Variants in ZSCAN5A observed in about 807,000 individuals in gnomAD.
ZSCAN5A encodes the protein zinc finger and SCAN domain containing 5A.
ZSCAN5A carries 12 observed loss-of-function variants against 23.7 expected under a neutral mutation model. That is an observed-to-expected ratio of 0.51 (90% CI 0.32 to 0.82). The LOEUF is 0.82. ZSCAN5A is among the 40% of genes least tolerant of loss of function. The pLI, the probability that ZSCAN5A is intolerant of heterozygous loss-of-function variation, is 0.03. For missense variants in ZSCAN5A, 597 were observed against 617.9 expected (o/e 0.97, Z 0.36); for synonymous variants, 257 against 239.9 (o/e 1.07, Z -0.66).
intron 2 of ZSCAN5A, among the ~76,000 whole-genome samples, chr19:56,233,612 CT>C (rs35551923): frequency 0.47 from 63,463 of 135,252 alleles, 13,438 homozygotes; most frequent in South Asian, 0.54. Context: ...ATGAAATCAC[CT>C]TTTTTTTTTT....
At chr19:56,291,173 A>G (rs925029576) in intron 2 of ZSCAN5A, among the ~76,000 whole-genome samples, 1 of 152,184 alleles carries the variant, frequency 6.6e-6, no homozygotes, top group African/African-American at 2.4e-5. Context: ...TGAGTTGTAC[A>G]TATTTGTTGG....
At chr19:56,238,391 C>T (rs1282938897) in intron 2 of ZSCAN5A, among the ~76,000 whole-genome samples, 1 of 152,112 alleles carries the variant, frequency 6.6e-6, no homozygotes, top group Non-Finnish European at 1.5e-5. Flanking sequence ...GCATGGTGAC[C>T]TTAGTCACCA....
intron 2 of ZSCAN5A, among the ~76,000 whole-genome samples, chr19:56,270,035 T>G (rs2037736420): frequency 6.6e-6 from 1 of 152,104 alleles, no homozygotes; most frequent in South Asian, 2.1e-4. Flanking sequence ...TCTGTGATTC[T>G]AACTGATTGG....
intron 2 of ZSCAN5A, chr19:56,245,389 G>A (rs745870023): frequency 1.3e-6 from 1 of 748,274 alleles, no homozygotes; most frequent in Non-Finnish European, 2.5e-6. Context: ...AAGAGCTGCA[G>A]ACCCTGCCCA....
At chr19:56,291,536 C>A (rs139483458) in intron 2 of ZSCAN5A, among the ~76,000 whole-genome samples, 8 of 152,256 alleles carry the variant, frequency 5.3e-5, no homozygotes, top group African/African-American at 1.9e-4. Flanking sequence ...TTAATTTCTT[C>A]CTTTTCCTCT....
intron 2 of ZSCAN5A, among the ~76,000 whole-genome samples, chr19:56,353,187 G>A (rs2041678356): frequency 6.6e-6 from 1 of 152,234 alleles, no homozygotes; most frequent in African/African-American, 2.4e-5. Context: ...TTGGTGTCAT[G>A]CATTGAGGCA....
intron 2 of ZSCAN5A, chr19:56,341,154 C>T (rs775754017): frequency 8.6e-5 from 13 of 151,968 alleles, no homozygotes; most frequent in Admixed American, 5.2e-4. Flanking sequence ...GCAAAAGAAA[C>T]GATATCAGAG....
At chr19:56,234,920 A>G (rs974186997) in intron 2 of ZSCAN5A, among the ~76,000 whole-genome samples, 2 of 152,220 alleles carry the variant, frequency 1.3e-5, no homozygotes, top group Non-Finnish European at 2.9e-5. Context: ...TCCTACTACA[A>G]GGGAATTAGG....
intron 2 of ZSCAN5A, among the ~76,000 whole-genome samples, chr19:56,248,242 C>T (rs988469937): frequency 6.6e-6 from 1 of 151,744 alleles, no homozygotes; most frequent in Admixed American, 6.6e-5. Context: ...GTATTGTTTT[C>T]TTTTTTGCTT....
intron 2 of ZSCAN5A, chr19:56,320,817 T>G: frequency 1.3e-6 from 1 of 790,696 alleles, no homozygotes; most frequent in South Asian, 1.3e-5. Context: ...TCACCATAGG[T>G]GGCAGCAAGA....
intron 2 of ZSCAN5A, among the ~76,000 whole-genome samples, chr19:56,309,143 G>A (rs981756887): frequency 7.2e-5 from 11 of 152,204 alleles, no homozygotes; most frequent in South Asian, 2.1e-4. Flanking sequence ...GTCCTGGCAC[G>A]TGCAACAACA....
intron 2 of ZSCAN5A, among the ~76,000 whole-genome samples, chr19:56,231,889 T>C (rs2034491220): frequency 6.6e-6 from 1 of 152,130 alleles, no homozygotes; most frequent in Non-Finnish European, 1.5e-5. Flanking sequence ...CCCCAGGCTC[T>C]TCATCATCTG....
At chr19:56,319,843 C>T in intron 2 of ZSCAN5A, 2 of 784,238 alleles carry the variant, frequency 2.6e-6, no homozygotes, top group East Asian at 2.4e-5. Context: ...CTGCAGTTTT[C>T]ATTAGTATAA....
chr19:56,348,490 A>G (rs1034530042), intron 2 of ZSCAN5A, among the ~76,000 whole-genome samples: 4 of 152,204 alleles, frequency 2.6e-5, no homozygotes, highest in Non-Finnish European at 5.9e-5. Flanking sequence ...CAGCCAGTAA[A>G]GCAAGATGTA....
At chr19:56,362,229 C>A (rs1308862247) in intron 2 of ZSCAN5A, among the ~76,000 whole-genome samples, 2 of 151,896 alleles carry the variant, frequency 1.3e-5, no homozygotes. Context: ...ATATTGTACC[C>A]ATGTGAATTT....
intron 2 of ZSCAN5A, among the ~76,000 whole-genome samples, chr19:56,287,155 A>C (rs994731654): frequency 6.6e-6 from 1 of 152,148 alleles, no homozygotes; most frequent in African/African-American, 2.4e-5. Context: ...TGTCCATCTT[A>C]GGTGGTGAAA....
intron 2 of ZSCAN5A, among the ~76,000 whole-genome samples, chr19:56,240,203 C>CAAA (rs369281063): frequency 6.7e-6 from 1 of 150,298 alleles, no homozygotes; most frequent in African/African-American, 2.4e-5. Flanking sequence ...TAAAACCAAA[C>CAAA]AAAAAAAAAC....
At chr19:56,241,689 C>G (rs568598496) in intron 2 of ZSCAN5A, among the ~76,000 whole-genome samples, 32 of 152,306 alleles carry the variant, frequency 2.1e-4, no homozygotes, top group African/African-American at 7.7e-4. Context: ...TTGAATTCAT[C>G]TCTCCAACTG....
At chr19:56,309,142 C>T (rs73618178) in intron 2 of ZSCAN5A, among the ~76,000 whole-genome samples, 1,560 of 152,284 alleles carry the variant, frequency 0.01, 28 homozygotes, top group African/African-American at 0.035. Flanking sequence ...GGTCCTGGCA[C>T]GTGCAACAAC....
Sources: gnomAD v4.1 joint callset for allele counts (sites outside exome capture counted in the v4.1 genomes callset) on GRCh38, gnomAD v4.1.1 for gene constraint, MANE v1.5 for transcripts, NCBI Gene and HGNC (gene_info 2026-07-23, HGNC 2026-07-21) for gene names.